Variants in FYN observed in about 807,000 individuals in gnomAD.
FYN encodes tyrosine-protein kinase Fyn.
A neutral mutation model predicts 70.2 loss-of-function variants in FYN; 10 were observed. The observed-to-expected ratio is 0.14, with a 90% CI of 0.09 to 0.24. FYN has a LOEUF of 0.24. Ranked by LOEUF, FYN falls within the 10% of genes least tolerant of loss-of-function variation. The pLI is 1.00. For synonymous variants in FYN, 236 were observed against 248.6 expected, an observed-to-expected ratio of 0.95 and a Z score of 0.48; for missense variants, 319 against 673.1, an observed-to-expected ratio of 0.47 and a Z score of 5.82.
At chr6:111,850,088 T>A (rs1773642206) in intron 1 of FYN, among the ~76,000 whole-genome samples, 1 of 152,348 alleles carries the variant, frequency 6.6e-6, no homozygotes, top group Middle Eastern at 3.4e-3. Context: ...ATTCTGCTAT[T>A]ATGTTTACTA....
chr6:111,788,807 G>A (rs895542297), intron 2 of FYN, among the ~76,000 whole-genome samples: 1 of 152,012 alleles, frequency 6.6e-6, no homozygotes, highest in Non-Finnish European at 1.5e-5. Context: ...AGAAAATACA[G>A]GGTTTCCTAG....
intron 3 of FYN, among the ~76,000 whole-genome samples, chr6:111,746,139 G>A (rs982489723): frequency 3.3e-5 from 5 of 152,204 alleles, no homozygotes; most frequent in Admixed American, 6.5e-5. Context: ...TTAGCAAGGC[G>A]TGTGGATTTT....
chr6:111,777,397 T>A (rs1455645052), intron 3 of FYN, among the ~76,000 whole-genome samples: 1 of 152,168 alleles, frequency 6.6e-6, no homozygotes, highest in Non-Finnish European at 1.5e-5. Flanking sequence ...TTATAAATAT[T>A]TACACTTTAA....
chr6:111,833,042 T>G (rs1773070386), intron 2 of FYN, among the ~76,000 whole-genome samples: 5 of 152,252 alleles, frequency 3.3e-5, no homozygotes, highest in Admixed American at 3.3e-4. Context: ...AATCTAGATA[T>G]GAAAGAATGG....
chr6:111,702,171 A>G (rs778152548), intron 8 of FYN, among the ~76,000 whole-genome samples: 3 of 152,222 alleles, frequency 2.0e-5, no homozygotes, highest in Non-Finnish European at 4.4e-5. Flanking sequence ...GTGGCATATA[A>G]TACTTGCTAA....
At chr6:111,750,379 C>T (rs775926794) in intron 3 of FYN, among the ~76,000 whole-genome samples, 2 of 152,154 alleles carry the variant, frequency 1.3e-5, no homozygotes, top group African/African-American at 4.8e-5. Context: ...TGAGATGCCT[C>T]GCTTCCCCTT....
rs369911826 is a variant in FYN, at chr6:111,726,564, A to G, written c.-11-6502T>C. Among the ~76,000 whole-genome samples the G allele has an allele frequency of 6.6e-4, 101 of 152,286 alleles. 1 individual carries two copies. In the South Asian group the frequency reaches 0.011, roughly 16 times the overall value. ...GATAGCCTGATTCCATGGCCAACAC[A>G]CAGAGTCTCTATACTAGAGCTATTT... On this transcript the variant is annotated intron_variant, in intron 3 of 13. Coordinates refer to ENST00000354650, the MANE Select transcript of FYN (RefSeq NM_002037.5).
chr6:111,764,296 C>A (rs1380590544), intron 3 of FYN, among the ~76,000 whole-genome samples: 1 of 147,102 alleles, frequency 6.8e-6, no homozygotes, highest in African/African-American at 2.5e-5. Context: ...AATAAGAAAC[C>A]TCTGAGGAAG....
At chr6:111,813,509 A>T (rs1772390224) in intron 2 of FYN, among the ~76,000 whole-genome samples, 1 of 152,216 alleles carries the variant, frequency 6.6e-6, no homozygotes, top group Non-Finnish European at 1.5e-5. Context: ...TTTCTCAAAT[A>T]CTTTTTATGG....
intron 12 of FYN, among the ~76,000 whole-genome samples, chr6:111,687,672 T>G (rs1478235196): frequency 6.6e-6 from 1 of 151,790 alleles, no homozygotes; most frequent in Admixed American, 6.6e-5. Context: ...AACACAGCTA[T>G]TGGCATCCAT....
chr6:111,670,034 T>C (rs1048955184), intron 13 of FYN, among the ~76,000 whole-genome samples: 5 of 152,130 alleles, frequency 3.3e-5, no homozygotes, highest in Non-Finnish European at 7.4e-5. Flanking sequence ...AAGAGAGACC[T>C]GCATGTTCAA....
At chr6:111,687,603 TGG>T (rs1562470721) in intron 12 of FYN, among the ~76,000 whole-genome samples, 1 of 62,528 alleles carries the variant, frequency 1.6e-5, no homozygotes, top group Middle Eastern at 5.9e-3. Flanking sequence ...GTGGGGTGGG[TGG>T]GTGTGTGTGT....
At chr6:111,799,790 G>A (rs1239294439) in intron 2 of FYN, among the ~76,000 whole-genome samples, 1 of 152,194 alleles carries the variant, frequency 6.6e-6, no homozygotes, top group East Asian at 1.9e-4. Flanking sequence ...GCTGTCACTT[G>A]TGCAATTCCC....
intron 2 of FYN, among the ~76,000 whole-genome samples, chr6:111,839,256 C>A (rs1290964426): frequency 1.3e-5 from 2 of 152,116 alleles, no homozygotes; most frequent in African/African-American, 4.8e-5. Context: ...CATGAGCATG[C>A]CCCAGCTCAT....
chr6:111,771,499 CT>C (rs2128499770), intron 3 of FYN, among the ~76,000 whole-genome samples: 1 of 152,132 alleles, frequency 6.6e-6, no homozygotes, highest in South Asian at 2.1e-4. Flanking sequence ...TGAAACCCAA[CT>C]TTCCCCCTCT....
At chr6:111,709,301 T>C (rs186587061) in intron 5 of FYN, among the ~76,000 whole-genome samples, 4 of 152,260 alleles carry the variant, frequency 2.6e-5, no homozygotes, top group Admixed American at 2.6e-4. Context: ...ACAGATTTAA[T>C]CAGGTAGAGA....
At chr6:111,662,401 C>T (rs917193706) in intron 13 of FYN, among the ~76,000 whole-genome samples, 3 of 152,118 alleles carry the variant, frequency 2.0e-5, no homozygotes, top group Admixed American at 6.5e-5. Flanking sequence ...TTTGGCTTTG[C>T]GGGTCACATA....
intron 12 of FYN, among the ~76,000 whole-genome samples, chr6:111,683,410 T>C (rs913084129): frequency 1.3e-5 from 2 of 152,218 alleles, no homozygotes; most frequent in Non-Finnish European, 2.9e-5. Context: ...CTCTCTTTTT[T>C]ATTTTTCTTG....
chr6:111,872,334 G>C (rs1254419291), intron 1 of FYN, among the ~76,000 whole-genome samples: 1 of 150,998 alleles, frequency 6.6e-6, no homozygotes, highest in Non-Finnish European at 1.5e-5. Flanking sequence ...GAAAAGAGCT[G>C]GAGGGAGCAG....
Sources: allele counts gnomAD v4.1 joint callset (sites outside exome capture counted in the v4.1 genomes callset), GRCh38; gene constraint gnomAD v4.1.1; transcripts MANE v1.5; gene names NCBI Gene and HGNC (gene_info 2026-07-23, HGNC 2026-07-21).